ARSG: variants seen among roughly 807,000 people sequenced by gnomAD.
ARSG encodes ASG.
A neutral mutation model predicts 50.5 loss-of-function variants in ARSG; 37 were observed. That is an observed-to-expected ratio of 0.73 (90% CI 0.56 to 0.96). ARSG has a LOEUF of 0.96. Among genes scored for constraint, ARSG ranks in the 50% least tolerant of loss-of-function variants. The pLI is 0.00. For missense variants in ARSG, 629 were observed against 675.3 expected, an observed-to-expected ratio of 0.93 and a Z score of 0.76; for synonymous variants, 225 against 254.6, an observed-to-expected ratio of 0.88 and a Z score of 1.11.
At chr17:68,389,485 C>T (rs577194648) in intron 9 of ARSG, among the ~76,000 whole-genome samples, 3 of 152,036 alleles carry the variant, frequency 2.0e-5, no homozygotes, top group Non-Finnish European at 2.9e-5. Context: ...TCACTTTTCT[C>T]GGGGATAATG....
intron 1 of ARSG, among the ~76,000 whole-genome samples, chr17:68,296,382 T>TC (rs1312789275): frequency 5.9e-5 from 9 of 152,202 alleles, no homozygotes; most frequent in Non-Finnish European, 1.3e-4. Context: ...AACAGGTACC[T>TC]CCTGTCCTGT....
chr17:68,346,200 T>C (rs1237705465), intron 3 of ARSG, among the ~76,000 whole-genome samples: 1 of 152,122 alleles, frequency 6.6e-6, no homozygotes, highest in Non-Finnish European at 1.5e-5. Flanking sequence ...TTTCTCTCAA[T>C]TTTTTATTAA....
At chr17:68,313,511 C>T (rs529423666) in intron 2 of ARSG, among the ~76,000 whole-genome samples, 1 of 152,178 alleles carries the variant, frequency 6.6e-6, no homozygotes, top group South Asian at 2.1e-4. Context: ...AAATACCAGT[C>T]TTTGGATTGA....
chr17:68,408,011 C>CTT (rs77397594), intron 11 of ARSG, among the ~76,000 whole-genome samples: 7 of 129,780 alleles, frequency 5.4e-5, no homozygotes, highest in African/African-American at 1.7e-4. Context: ...CTGTGGGTTT[C>CTT]TTTTTTTTTT....
At chr17:68,411,685 C>T (rs1421814711) in intron 11 of ARSG, among the ~76,000 whole-genome samples, 3 of 148,342 alleles carry the variant, frequency 2.0e-5, no homozygotes, top group Admixed American at 2.0e-4. Flanking sequence ...TCCTTGTTGA[C>T]TTTCTGTCTT....
intron 11 of ARSG, among the ~76,000 whole-genome samples, chr17:68,412,307 G>A (rs1290802348): frequency 1.3e-5 from 2 of 152,032 alleles, no homozygotes; most frequent in Non-Finnish European, 2.9e-5. Flanking sequence ...CTCTTTTAGG[G>A]CAGGCCTGGT....
chr17:68,451,926 G>A, the ARSG span, among the ~76,000 whole-genome samples: 1 of 152,192 alleles, frequency 6.6e-6, no homozygotes, highest in South Asian at 2.1e-4. Context: ...AAGGCCCACA[G>A]GGAACAATGT....
intron 9 of ARSG, among the ~76,000 whole-genome samples, chr17:68,391,125 G>T (rs1212212691): frequency 2.6e-5 from 4 of 152,072 alleles, no homozygotes; most frequent in African/African-American, 9.7e-5. Context: ...TGGGGTTTGA[G>T]GTTTGGAGTA....
At chr17:68,444,510 A>T in the ARSG span, 1 of 1,613,782 alleles carries the variant, frequency 6.2e-7, no homozygotes, top group East Asian at 2.2e-5. Flanking sequence ...GTTTGCAGGA[A>T]TATCCAGGAG....
At chr17:68,350,512 G>A (rs543550621) in intron 4 of ARSG, among the ~76,000 whole-genome samples, 14 of 152,014 alleles carry the variant, frequency 9.2e-5, no homozygotes, top group Admixed American at 6.5e-4. Flanking sequence ...TGGGCCGGGC[G>A]CGGTGGCTCA....
chr17:68,373,634 C>G (rs1017541877), intron 8 of ARSG, among the ~76,000 whole-genome samples: 3 of 152,122 alleles, frequency 2.0e-5, no homozygotes, highest in Non-Finnish European at 4.4e-5. Context: ...AAATTTGAGT[C>G]GGGGTCAGGA....
At chr17:68,291,114 C>T (rs1408316107), upstream of ARSG, 3 of 152,216 alleles carry the variant, frequency 2.0e-5, no homozygotes, top group Non-Finnish European at 2.9e-5. Context: ...AATAAACCCC[C>T]AAAGGCTCCC....
chr17:68,396,599 G>T (rs2081259926), intron 10 of ARSG, among the ~76,000 whole-genome samples: 2 of 152,198 alleles, frequency 1.3e-5, no homozygotes, highest in Non-Finnish European at 2.9e-5. Flanking sequence ...ACATCAAAGG[G>T]TCTATTTGTG....
chr17:68,318,771 G>C (rs1188324386), intron 2 of ARSG, among the ~76,000 whole-genome samples: 2 of 152,216 alleles, frequency 1.3e-5, no homozygotes, highest in African/African-American at 2.4e-5. Flanking sequence ...GCTGCTAGGA[G>C]TTACGGGCAG....
chr17:68,333,938 C>T (rs1285886576), intron 2 of ARSG, among the ~76,000 whole-genome samples: 1 of 152,064 alleles, frequency 6.6e-6, no homozygotes, highest in Non-Finnish European at 1.5e-5. Context: ...TTGAAAGAAA[C>T]CTGTGCCTAG....
At chr17:68,425,926 A>G (rs2147743710), downstream of ARSG, 3 of 663,102 alleles carry the variant, frequency 4.5e-6, no homozygotes, top group Non-Finnish European at 7.8e-6. Context: ...CAGTACAACA[A>G]ATATCCTATG....
chr17:68,289,701 T>C (rs1568422054), upstream of ARSG, among the ~76,000 whole-genome samples: 1 of 152,232 alleles, frequency 6.6e-6, no homozygotes, highest in Non-Finnish European at 1.5e-5. Flanking sequence ...AATCACTGGC[T>C]ACAACCGAGT....
rs544990678 is a variant in ARSG at position 68,340,195 on chromosome 17, C to G, written c.219-3409C>G. Among the ~76,000 whole-genome samples the G allele has an allele frequency of 2.0e-4, 31 of 152,222 alleles. No individual in the cohort carries two copies. The East Asian group carries it at 6.0e-3, about 29-fold the overall frequency. ...TGTGGAGTTGGCATAACATTCTTTT[C>G]TAATGGTGGTAAATGAATTTTTCTG... On this transcript the variant is annotated intron_variant, in intron 2 of 11. Coordinates refer to ENST00000621439, the MANE Select transcript of ARSG (RefSeq NM_001267727.2).
intron 2 of ARSG, among the ~76,000 whole-genome samples, chr17:68,340,347 C>T (rs779918838): frequency 1.3e-5 from 2 of 151,972 alleles, no homozygotes; most frequent in African/African-American, 4.8e-5. Flanking sequence ...TACAGTGGTG[C>T]GATCTCGGCT....
Sources: gnomAD v4.1 joint callset for allele counts (sites outside exome capture counted in the v4.1 genomes callset) on GRCh38, gnomAD v4.1.1 for gene constraint, MANE v1.5 for transcripts, NCBI Gene and HGNC (gene_info 2026-07-23, HGNC 2026-07-21) for gene names.